Variants in ULK4 observed in about 807,000 individuals in gnomAD.
ULK4 encodes unc-51 like kinase 4.
A neutral mutation model predicts 160.6 loss-of-function variants in ULK4; 133 were observed. The observed-to-expected ratio is 0.83, with a 90% CI of 0.72 to 0.96. The LOEUF is 0.96. Among genes scored for constraint, ULK4 ranks in the 40% least tolerant of loss-of-function variants. The pLI is 0.00. For missense variants in ULK4, 1,580 were observed against 1,499.5 expected (o/e 1.05, Z -0.89); for synonymous variants, 534 against 539.8 (o/e 0.99, Z 0.15).
intron 20 of ULK4, among the ~76,000 whole-genome samples, chr3:41,794,388 G>A (rs964240658): frequency 6.6e-5 from 10 of 152,148 alleles, no homozygotes; most frequent in South Asian, 6.2e-4. Flanking sequence ...GCATAAGGCC[G>A]GACGCTGTGG....
At chr3:41,434,035 T>C (rs998406451) in intron 34 of ULK4, among the ~76,000 whole-genome samples, 5 of 152,172 alleles carry the variant, frequency 3.3e-5, no homozygotes, top group African/African-American at 9.7e-5. Context: ...CCCAAACTTT[T>C]TGAGTGTCAA....
chr3:41,492,922 A>C (rs1488789495), intron 32 of ULK4, among the ~76,000 whole-genome samples: 5 of 145,366 alleles, frequency 3.4e-5, no homozygotes, highest in Non-Finnish European at 6.0e-5. Flanking sequence ...ACCCAGATTC[A>C]TAAAGCAAGT....
intron 35 of ULK4, among the ~76,000 whole-genome samples, chr3:41,337,992 C>G (rs889896586): frequency 1.3e-5 from 2 of 152,210 alleles, no homozygotes; most frequent in African/African-American, 2.4e-5. Context: ...GCCTCATATC[C>G]TCTCTTCTCT....
At chr3:41,461,023 C>T (rs1036998678) in intron 33 of ULK4, among the ~76,000 whole-genome samples, 5 of 152,144 alleles carry the variant, frequency 3.3e-5, no homozygotes, top group African/African-American at 1.2e-4. Flanking sequence ...CACTTTGTCT[C>T]TGCCTCCATT....
At chr3:41,296,847 G>A (rs2079678628) in intron 35 of ULK4, among the ~76,000 whole-genome samples, 1 of 151,900 alleles carries the variant, frequency 6.6e-6, no homozygotes, top group Admixed American at 6.6e-5. Flanking sequence ...TTGAGAGGGA[G>A]GGAAGAAGAA....
intron 30 of ULK4, among the ~76,000 whole-genome samples, chr3:41,642,375 T>G (rs2034254805): frequency 6.6e-6 from 1 of 152,056 alleles, no homozygotes; most frequent in Non-Finnish European, 1.5e-5. Context: ...GAGAGTGATG[T>G]TCCCCTTCCT....
chr3:41,856,594 TATATATATGTGTATATATATACAC>T (rs1234896494), intron 17 of ULK4, among the ~76,000 whole-genome samples: 9 of 78,882 alleles, frequency 1.1e-4, no homozygotes, highest in African/African-American at 6.1e-4. Flanking sequence ...TATACACATA[TATATATATGTGTATATATATACAC>T]ATATATATAT....
intron 18 of ULK4, among the ~76,000 whole-genome samples, chr3:41,823,616 G>C (rs572640058): frequency 2.0e-5 from 3 of 152,270 alleles, no homozygotes; most frequent in East Asian, 1.9e-4. Flanking sequence ...ACAAGACTCA[G>C]GTTGTTGTAT....
intron 27 of ULK4, among the ~76,000 whole-genome samples, chr3:41,686,693 C>T (rs1259848196): frequency 3.3e-5 from 5 of 152,112 alleles, no homozygotes; most frequent in African/African-American, 9.7e-5. Context: ...GGAGGTCACA[C>T]TCACAGAGGA....
chr3:41,823,083 A>AC (rs1382937869), intron 18 of ULK4, among the ~76,000 whole-genome samples: 2 of 152,160 alleles, frequency 1.3e-5, no homozygotes, highest in African/African-American at 4.8e-5. Context: ...GAGTGCTATA[A>AC]AGAAAAACAG....
At chr3:41,791,441 G>A (rs1207350171) in intron 20 of ULK4, among the ~76,000 whole-genome samples, 3 of 152,184 alleles carry the variant, frequency 2.0e-5, no homozygotes, top group Admixed American at 2.0e-4. Flanking sequence ...CAATCTTTAT[G>A]AAAATGCTAA....
At chr3:41,788,404 A>G (rs2040055052) in intron 21 of ULK4, among the ~76,000 whole-genome samples, 1 of 152,076 alleles carries the variant, frequency 6.6e-6, no homozygotes, top group Admixed American at 6.5e-5. Flanking sequence ...ACACCTCTCT[A>G]CCTCTTATAG....
chr3:41,803,813 A>C (rs1259969772), intron 19 of ULK4, among the ~76,000 whole-genome samples: 1 of 152,076 alleles, frequency 6.6e-6, no homozygotes, highest in South Asian at 2.1e-4. Flanking sequence ...AAGGACATGA[A>C]CTCATCATTT....
chr3:41,249,824 C>T (rs562711951), intron 35 of ULK4, among the ~76,000 whole-genome samples: 25 of 152,318 alleles, frequency 1.6e-4, no homozygotes, highest in Admixed American at 6.5e-4. Flanking sequence ...GGGCAGAAGA[C>T]GGCCAGTTCA....
chr3:41,809,917 C>T (rs2040767831), intron 19 of ULK4, among the ~76,000 whole-genome samples: 1 of 152,036 alleles, frequency 6.6e-6, no homozygotes, highest in African/African-American at 2.4e-5. Flanking sequence ...CAATAGAAAA[C>T]ATACTCAATG....
chr3:41,931,749 G>C, intron 5 of ULK4, 95 bp downstream of exon 5: 1 of 1,428,808 alleles, frequency 7.0e-7, no homozygotes, highest in Non-Finnish European at 9.6e-7. Flanking sequence ...TCTTATTTGA[G>C]TGGCAAAACA....
intron 35 of ULK4, among the ~76,000 whole-genome samples, chr3:41,251,423 A>G (rs2078740860): frequency 6.6e-6 from 1 of 152,232 alleles, no homozygotes; most frequent in Non-Finnish European, 1.5e-5. Flanking sequence ...TCTACAGCGC[A>G]GCTATTTCAG....
chr3:41,665,342 A>T (rs2035319212), intron 29 of ULK4, among the ~76,000 whole-genome samples: 1 of 152,118 alleles, frequency 6.6e-6, no homozygotes, highest in Non-Finnish European at 1.5e-5. Context: ...AAAGCATAAG[A>T]AAAACAAAAA....
chr3:41,310,130 C>CAT (rs34762822), intron 35 of ULK4, among the ~76,000 whole-genome samples: 26,886 of 152,018 alleles, frequency 0.18, 3,020 homozygotes, highest in African/African-American at 0.32. Context: ...TTTTCTAAAA[C>CAT]AATAAAAATA....
Sources: allele counts gnomAD v4.1 joint callset (sites outside exome capture counted in the v4.1 genomes callset), GRCh38; gene constraint gnomAD v4.1.1; transcripts MANE v1.5; gene names NCBI Gene and HGNC (gene_info 2026-07-23, HGNC 2026-07-21).